Variants in TNN observed in about 807,000 individuals in gnomAD.
The protein encoded by TNN is tenascin-N.
Under a neutral mutation model 134.4 loss-of-function variants are expected in TNN, and 122 were observed. That is an observed-to-expected ratio of 0.91 (90% CI 0.78 to 1.06). The LOEUF (loss-of-function observed/expected upper bound fraction) is 1.06, where lower values mean the gene tolerates loss of function less well. TNN is among the 50% of genes least tolerant of loss of function. The pLI, the probability that TNN is intolerant of heterozygous loss-of-function variation, is 0.00. For missense variants in TNN, 1,739 were observed against 1,699.4 expected (o/e 1.02, Z -0.41); for synonymous variants, 710 against 670.3 (o/e 1.06, Z -0.91).
chr1:175,095,419 A>G (rs1285949115), intron 7 of TNN, among the ~76,000 whole-genome samples: 27 of 152,306 alleles, frequency 1.8e-4, no homozygotes, highest in East Asian at 7.7e-4. Flanking sequence ...CTGTGTTCCG[A>G]TAAGACTTTA....
At chr1:175,088,694 C>T (rs1455968191) in intron 6 of TNN, among the ~76,000 whole-genome samples, 1 of 152,200 alleles carries the variant, frequency 6.6e-6, no homozygotes, top group East Asian at 1.9e-4. Context: ...CTGGAAAACC[C>T]TTGCCATTAT....
intron 1 of TNN, among the ~76,000 whole-genome samples, chr1:175,068,973 CTTAT>C (rs1437060711): frequency 6.6e-6 from 1 of 152,078 alleles, no homozygotes; most frequent in Admixed American, 6.6e-5. Flanking sequence ...TTACTTTTTA[CTTAT>C]TTATTAATTT....
At chr1:175,078,857 C>G (rs536030879) in intron 2 of TNN, among the ~76,000 whole-genome samples, 2 of 152,208 alleles carry the variant, frequency 1.3e-5, no homozygotes, top group Non-Finnish European at 2.9e-5. Flanking sequence ...AATCTGGGCT[C>G]ATTTCACAAG....
chr1:175,141,638 G>A (rs767635254), intron 17 of TNN, among the ~76,000 whole-genome samples: 4 of 152,204 alleles, frequency 2.6e-5, no homozygotes, highest in South Asian at 2.1e-4. Context: ...CAGGGGATGC[G>A]ATGTTAATGG....
intron 15 of TNN, among the ~76,000 whole-genome samples, chr1:175,133,565 G>A (rs2101848744): frequency 6.6e-6 from 1 of 152,164 alleles, no homozygotes; most frequent in Non-Finnish European, 1.5e-5. Flanking sequence ...CTCCACTTCT[G>A]TTGCCCCTTC....
intron 1 of TNN, 32 bp from the exon 2 acceptor site, chr1:175,077,352 G>A (rs2072033): frequency 0.51 from 772,836 of 1,506,950 alleles, 202,321 homozygotes; most frequent in African/African-American, 0.79. Flanking sequence ...GCACATCTCC[G>A]TGGCTTTCTT....
chr1:175,097,713 T>G (rs1356220989), intron 8 of TNN, 30 bp downstream of exon 8: 1 of 1,613,210 alleles, frequency 6.2e-7, no homozygotes, highest in East Asian at 2.2e-5. Flanking sequence ...CAATTGGAAT[T>G]GAGTTTTAGC....
chr1:175,120,223 A>G (rs1486950506), intron 11 of TNN, among the ~76,000 whole-genome samples: 1 of 152,222 alleles, frequency 6.6e-6, no homozygotes, highest in Non-Finnish European at 1.5e-5. Context: ...GAACAAAACA[A>G]ATATCTCTAC....
At position 175,083,602 on chromosome 1, in the gene TNN, G is replaced by A. The variant is rs1228018091; in HGVS notation, c.1049-148G>A. 8 of 666,732 alleles carry A rather than the reference G, an allele frequency of 1.2e-5. No homozygotes were observed. The African/African-American group carries it at 1.3e-4, about 11-fold the overall frequency. 41.3% of individuals were successfully genotyped at this position (666,732 alleles called of 1,614,324 possible). A position where few individuals can be genotyped will look rare whatever the true frequency, so the allele number is the denominator to read the frequency against. On this transcript the variant is annotated intron_variant, in intron 4 of 18. Transcript: ENST00000239462. Reference sequence around the variant, plus strand: ...TTAGTTGCTACTTTGGTAGCTCAAAGACACCTGCTAAGAACTGTGTCCTGG... The same window carrying A: ...TTAGTTGCTACTTTGGTAGCTCAAAAACACCTGCTAAGAACTGTGTCCTGG...
intron 9 of TNN, among the ~76,000 whole-genome samples, chr1:175,100,774 T>C (rs1558357493): frequency 6.6e-6 from 1 of 152,198 alleles, no homozygotes; most frequent in African/African-American, 2.4e-5. Context: ...TTCTTGTATT[T>C]ATAATGTATC....
intron 6 of TNN, among the ~76,000 whole-genome samples, chr1:175,091,963 G>A (rs893503823): frequency 2.6e-5 from 4 of 152,182 alleles, no homozygotes; most frequent in East Asian, 1.9e-4. Flanking sequence ...GGTCCTGGAA[G>A]CAATGGTAGC....
intron 9 of TNN, among the ~76,000 whole-genome samples, chr1:175,109,072 A>AT (rs1160268455): frequency 0.011 from 705 of 61,966 alleles, 167 homozygotes; most frequent in East Asian, 0.03. Context: ...ATCTAACTGT[A>AT]TTTTTTTTTT....
At chr1:175,112,122 T>C (rs1171853778) in intron 9 of TNN, among the ~76,000 whole-genome samples, 2 of 152,224 alleles carry the variant, frequency 1.3e-5, no homozygotes, top group Non-Finnish European at 2.9e-5. Flanking sequence ...TTGTTAAATA[T>C]GGGTTTGTCT....
In TNN at chr1:175,147,096, G is replaced by A. The variant is rs1676089486; in HGVS notation, c.*25G>A. 5.2e-6 allele frequency: 8 copies of A among 1,523,942 alleles called. No homozygotes were observed. The highest frequency in any genetic ancestry group is 7.1e-6 in the Non-Finnish European group (8 of 1,128,280). The allele number at this position is 1,523,942 out of a possible 1,614,324, so 94.4% of individuals were successfully genotyped here. On this transcript the variant is annotated 3_prime_UTR_variant, in exon 19 of 19. Coordinates refer to ENST00000239462, the MANE Select transcript of TNN (RefSeq NM_022093.2). ...ATGGCCCGTGTGAGCAGTCCTCGCA[G>A]GAGACACCACCAGCTGTGGCAGCTT...
At chr1:175,088,212 G>T (rs928552545) in intron 6 of TNN, among the ~76,000 whole-genome samples, 1 of 152,100 alleles carries the variant, frequency 6.6e-6, no homozygotes, top group Non-Finnish European at 1.5e-5. Context: ...GGTAGGTGGG[G>T]CTGGTAGTTC....
At chr1:175,127,186 G>A in intron 13 of TNN, 101 bp downstream of exon 13, 1 of 1,391,376 alleles carries the variant, frequency 7.2e-7, no homozygotes, top group East Asian at 2.3e-5. Flanking sequence ...GCAACTTGCT[G>A]ATCTTTACTG....
chr1:175,118,351 G>C (rs954791168), intron 10 of TNN, among the ~76,000 whole-genome samples: 1 of 152,138 alleles, frequency 6.6e-6, no homozygotes, highest in Admixed American at 6.6e-5. Flanking sequence ...TGGATTCTCA[G>C]GTTCTGATCT....
At chr1:175,079,169 G>A (rs1310093731) in intron 2 of TNN, among the ~76,000 whole-genome samples, 164 bp from the exon 3 acceptor site, 2 of 152,158 alleles carry the variant, frequency 1.3e-5, no homozygotes, top group Admixed American at 6.5e-5. Flanking sequence ...CTCCCTTGTG[G>A]AGCTCCACCA....
chr1:175,147,292 A>T lies in TNN; in HGVS notation c.*221A>T, dbSNP rs947072148. Reference sequence around the variant, plus strand: ...ATAGTAGTTGCACAGTATGTGTAGGAAAGACAGTACTGGAACGGCAAGGTT... The same window carrying T: ...ATAGTAGTTGCACAGTATGTGTAGGTAAGACAGTACTGGAACGGCAAGGTT... On this transcript the variant is annotated 3_prime_UTR_variant, in exon 19 of 19. Coordinates refer to ENST00000239462, the MANE Select transcript of TNN (RefSeq NM_022093.2). The T allele has an allele frequency of 4.9e-6, 2 of 412,320 alleles. No individual in the cohort carries two copies. Among genetic ancestry groups the T allele is most frequent in the African/African-American group, 4.1e-5 (2 of 49,180 alleles). The allele number at this position is 412,320 out of a possible 1,614,324, so 25.5% of individuals were successfully genotyped here. A position where few individuals can be genotyped will look rare whatever the true frequency, so the allele number is the denominator to read the frequency against.
Sources: gnomAD v4.1 joint callset for allele counts (sites outside exome capture counted in the v4.1 genomes callset) on GRCh38, gnomAD v4.1.1 for gene constraint, MANE v1.5 for transcripts, NCBI Gene and HGNC (gene_info 2026-07-23, HGNC 2026-07-21) for gene names.